The following TBC1D19 variants were observed in gnomAD, a reference collection of about 807,000 sequenced individuals.
TBC1D19 encodes the protein TBC1 domain family, member 19.
Under a neutral mutation model 89.0 loss-of-function variants are expected in TBC1D19, and 60 were observed. The observed-to-expected ratio is 0.67, with a 90% CI of 0.55 to 0.84. The LOEUF (loss-of-function observed/expected upper bound fraction) is 0.84. Ranked by LOEUF, TBC1D19 falls within the 40% of genes least tolerant of loss-of-function variation. The pLI is 0.00. For missense variants in TBC1D19, 500 were observed against 610.8 expected, an observed-to-expected ratio of 0.82 and a Z score of 1.91; for synonymous variants, 189 against 199.7, an observed-to-expected ratio of 0.95 and a Z score of 0.45.
chr4:26,820,603 C>T, the TBC1D19 span, among the ~76,000 whole-genome samples: 1 of 152,168 alleles, frequency 6.6e-6, no homozygotes, highest in African/African-American at 2.4e-5. Context: ...CATTGATGGG[C>T]ACTGAGGCTC....
At chr4:26,649,868 CA>C in intron 7 of TBC1D19, among the ~76,000 whole-genome samples, 1 of 152,262 alleles carries the variant, frequency 6.6e-6, no homozygotes, top group South Asian at 2.1e-4. Flanking sequence ...CCCTCTCCCC[CA>C]ACCCCACAAC....
intron 8 of TBC1D19, among the ~76,000 whole-genome samples, chr4:26,661,327 C>G (rs1390509032): frequency 6.6e-6 from 1 of 152,156 alleles, no homozygotes; most frequent in South Asian, 2.1e-4. Context: ...TCCCCACCCT[C>G]CACCTTCTTT....
At chr4:26,815,110 A>G in the TBC1D19 span, among the ~76,000 whole-genome samples, 1 of 152,250 alleles carries the variant, frequency 6.6e-6, no homozygotes, top group African/African-American at 2.4e-5. Flanking sequence ...CACTCATTAA[A>G]ATTATCTTCT....
intron 8 of TBC1D19, among the ~76,000 whole-genome samples, chr4:26,661,904 A>G (rs1407933049): frequency 2.0e-5 from 3 of 152,190 alleles, no homozygotes; most frequent in Non-Finnish European, 2.9e-5. Context: ...CTCATACACA[A>G]TAGGAATCAT....
the TBC1D19 span, among the ~76,000 whole-genome samples, chr4:26,820,484 A>G: frequency 6.6e-6 from 1 of 152,232 alleles, no homozygotes; most frequent in East Asian, 1.9e-4. Flanking sequence ...ACCAAGCATA[A>G]CATCCTCCAG....
At chr4:26,729,178 C>T (rs1717505644) in intron 15 of TBC1D19, among the ~76,000 whole-genome samples, 1 of 152,180 alleles carries the variant, frequency 6.6e-6, no homozygotes, top group South Asian at 2.1e-4. Flanking sequence ...CCTTGTGTGT[C>T]AGGCAGGTTA....
intron 13 of TBC1D19, among the ~76,000 whole-genome samples, chr4:26,698,736 C>A (rs1165176006): frequency 6.6e-6 from 1 of 151,904 alleles, no homozygotes; most frequent in Admixed American, 6.6e-5. Flanking sequence ...GATCTTTGAC[C>A]AACCTGACAA....
intron 15 of TBC1D19, among the ~76,000 whole-genome samples, chr4:26,722,527 A>G (rs766380170): frequency 6.6e-6 from 1 of 152,202 alleles, no homozygotes; most frequent in Non-Finnish European, 1.5e-5. Flanking sequence ...AAAGGAAAAT[A>G]CAGGAGCTAT....
intron 4 of TBC1D19, among the ~76,000 whole-genome samples, chr4:26,628,555 GA>G (rs969071452): frequency 2.6e-5 from 4 of 152,088 alleles, no homozygotes; most frequent in Non-Finnish European, 4.4e-5. Context: ...ATTAGGAAAA[GA>G]GGAAGTCAAA....
the TBC1D19 span, among the ~76,000 whole-genome samples, chr4:26,846,346 T>A: frequency 1.4e-3 from 207 of 152,316 alleles, 1 homozygote; most frequent in African/African-American, 4.7e-3. Context: ...AAACTTATTG[T>A]CTTAATTGGC....
At chr4:26,724,438 T>C (rs865883654) in intron 15 of TBC1D19, among the ~76,000 whole-genome samples, 2 of 152,188 alleles carry the variant, frequency 1.3e-5, no homozygotes, top group Non-Finnish European at 2.9e-5. Flanking sequence ...CAAGAATTCA[T>C]TGTTGTTGCT....
In TBC1D19 at chr4:26,592,451, C is replaced by T. The variant is rs547247062; in HGVS notation, c.99+8159C>T. 1.2e-4 allele frequency among the ~76,000 whole-genome samples: 18 copies of T among 152,288 alleles called. No individual in the cohort carries two copies. The South Asian group carries it at 2.9e-3, about 25-fold the overall frequency. Reference sequence around the variant, plus strand: ...CACAAGACAGGATGCCCTCTCTCACCACTCCTATTCAACATAGTGTTGGAA... The same window carrying T: ...CACAAGACAGGATGCCCTCTCTCACTACTCCTATTCAACATAGTGTTGGAA... On this transcript the variant is annotated intron_variant, in intron 1 of 20. Coordinates refer to ENST00000264866, the MANE Select transcript of TBC1D19 (RefSeq NM_018317.4).
chr4:26,661,857 G>GA (rs990457688), intron 8 of TBC1D19, among the ~76,000 whole-genome samples: 9 of 152,146 alleles, frequency 5.9e-5, no homozygotes, highest in Non-Finnish European at 1.0e-4. Context: ...GTATGCAACT[G>GA]AAAATGACAA....
intron 1 of TBC1D19, among the ~76,000 whole-genome samples, chr4:26,601,603 A>G (rs1560409118): frequency 1.3e-5 from 2 of 152,196 alleles, no homozygotes; most frequent in African/African-American, 2.4e-5. Context: ...GGGTATTTCT[A>G]GAGAAATAAG....
chr4:26,766,932 G>A, the TBC1D19 span, among the ~76,000 whole-genome samples: 1 of 152,194 alleles, frequency 6.6e-6, no homozygotes, highest in East Asian at 1.9e-4. Flanking sequence ...TAATAGGTAT[G>A]TAGTGATGCA....
chr4:26,591,750 A>C (rs1411741999), intron 1 of TBC1D19, among the ~76,000 whole-genome samples: 3 of 152,242 alleles, frequency 2.0e-5, no homozygotes, highest in African/African-American at 4.8e-5. Flanking sequence ...GAAATGGATA[A>C]ATTCCTCGAC....
intron 5 of TBC1D19, among the ~76,000 whole-genome samples, 166 bp downstream of exon 5, chr4:26,637,451 C>T (rs889659128): frequency 6.6e-6 from 1 of 152,144 alleles, no homozygotes; most frequent in African/African-American, 2.4e-5. Context: ...TGGCTCACTG[C>T]AACCTCCGCC....
At chr4:26,747,126 A>T (rs1196229560) in intron 18 of TBC1D19, among the ~76,000 whole-genome samples, 1 of 152,218 alleles carries the variant, frequency 6.6e-6, no homozygotes. Flanking sequence ...AACCACAGAA[A>T]GTGAAACCGT....
chr4:26,702,568 T>G (rs1715418780), intron 13 of TBC1D19, among the ~76,000 whole-genome samples: 1 of 152,188 alleles, frequency 6.6e-6, no homozygotes, highest in South Asian at 2.1e-4. Context: ...GCTTTAACCT[T>G]TATTTTCCAT....
Sources: allele counts gnomAD v4.1 joint callset (sites outside exome capture counted in the v4.1 genomes callset), GRCh38; gene constraint gnomAD v4.1.1; transcripts MANE v1.5; gene names NCBI Gene and HGNC (gene_info 2026-07-23, HGNC 2026-07-21).